The following LZTFL1 variants were observed in gnomAD, a reference collection of about 807,000 sequenced individuals.
LZTFL1 encodes the protein leucine zipper transcription factor like 1, also known as leucine zipper transcription factor-like protein 1.
LZTFL1 carries 25 observed loss-of-function variants against 45.9 expected under a neutral mutation model. The ratio of observed to expected loss-of-function variants is 0.54; its 90% confidence interval spans 0.40 to 0.76. The LOEUF (loss-of-function observed/expected upper bound fraction) is 0.76, where lower values mean the gene tolerates loss of function less well. Ranked by LOEUF, LZTFL1 falls within the 30% of genes least tolerant of loss-of-function variation. The pLI is 0.00. For missense variants in LZTFL1, 277 were observed against 331.1 expected, an observed-to-expected ratio of 0.84 and a Z score of 1.27; for synonymous variants, 93 against 117.4, an observed-to-expected ratio of 0.79 and a Z score of 1.35.
chr3:45,891,946 A>C (rs562489041), intron 2 of LZTFL1, among the ~76,000 whole-genome samples: 4 of 152,286 alleles, frequency 2.6e-5, no homozygotes, highest in African/African-American at 9.6e-5. Flanking sequence ...TTTAGGACAA[A>C]TGTGACACTG....
intron 5 of LZTFL1, 168 bp downstream of exon 5, chr3:45,832,882 G>T: frequency 1.8e-6 from 1 of 564,980 alleles, no homozygotes. Flanking sequence ...CTCTCTAGAA[G>T]GTTAAGTATG....
At chr3:45,828,685 T>C (rs904423149) in intron 7 of LZTFL1, 70 bp from the exon 8 acceptor site, 4 of 1,283,482 alleles carry the variant, frequency 3.1e-6, no homozygotes, top group African/African-American at 1.5e-5. Flanking sequence ...AGAATGGTGA[T>C]TCAACATCAT....
rs1249456518 is a variant in LZTFL1, at chr3:45,855,090, T to G, written c.-137-16A>C. 4 of 1,452,480 alleles carry G rather than the reference T, an allele frequency of 2.8e-6. No homozygotes were observed. The Admixed American group carries it at 8.0e-5, about 29-fold the overall frequency. The allele number at this position is 1,452,480 out of a possible 1,614,324, so 90.0% of individuals were successfully genotyped here. ...TCTGCCTTCCCTAGAAAATGAGAGT[T>G]CGAGTTAAAAATTATAAGTTGTATC... On this transcript the variant is annotated splice_polypyrimidine_tract_variant and intron_variant, in intron 3 of 4. Transcript: ENST00000472635.
At chr3:45,849,127 C>T (rs759536009) in intron 4 of LZTFL1, among the ~76,000 whole-genome samples, 25 of 152,148 alleles carry the variant, frequency 1.6e-4, no homozygotes, top group Admixed American at 3.9e-4. Context: ...GCAGGACAGA[C>T]GGACCCATTA....
chr3:45,884,478 G>A (rs2125730768), intron 2 of LZTFL1, among the ~76,000 whole-genome samples: 1 of 152,230 alleles, frequency 6.6e-6, no homozygotes, highest in Non-Finnish European at 1.5e-5. Flanking sequence ...GACCTGGATG[G>A]AAGAACCTAC....
At chr3:45,858,263 G>T (rs1227237411) in intron 3 of LZTFL1, among the ~76,000 whole-genome samples, 1 of 152,160 alleles carries the variant, frequency 6.6e-6, no homozygotes, top group African/African-American at 2.4e-5. Flanking sequence ...GCTTCACAAG[G>T]TTATTTTGTG....
At chr3:45,863,160 T>C (rs1701519820) in intron 2 of LZTFL1, among the ~76,000 whole-genome samples, 1 of 152,210 alleles carries the variant, frequency 6.6e-6, no homozygotes, top group South Asian at 2.1e-4. Flanking sequence ...TATTTTGACA[T>C]TGTGTAACTG....
intron 2 of LZTFL1, among the ~76,000 whole-genome samples, chr3:45,866,848 T>C (rs1321861130): frequency 2.6e-5 from 4 of 152,180 alleles, no homozygotes; most frequent in African/African-American, 7.2e-5. Flanking sequence ...ATTGTGTAGC[T>C]AAAAATAAGA....
intron 7 of LZTFL1, among the ~76,000 whole-genome samples, chr3:45,829,032 A>T (rs1290322499): frequency 6.6e-6 from 1 of 152,222 alleles, no homozygotes; most frequent in Non-Finnish European, 1.5e-5. Flanking sequence ...TTTATACCAA[A>T]AACTTAATAG....
chr3:45,861,387 T>G (rs1262172208), intron 2 of LZTFL1, among the ~76,000 whole-genome samples: 3 of 152,112 alleles, frequency 2.0e-5, no homozygotes, highest in Non-Finnish European at 4.4e-5. Flanking sequence ...TTGCTGAATG[T>G]TTGTATTTTC....
At chr3:45,904,253 T>C (rs1431958864) in intron 2 of LZTFL1, among the ~76,000 whole-genome samples, 5 of 152,262 alleles carry the variant, frequency 3.3e-5, no homozygotes, top group South Asian at 4.1e-4. Context: ...AATATGTACT[T>C]CATGTGTCAG....
chr3:45,852,145 A>G (rs548430645), intron 4 of LZTFL1, among the ~76,000 whole-genome samples: 1 of 152,312 alleles, frequency 6.6e-6, no homozygotes, highest in African/African-American at 2.4e-5. Context: ...ATCTATAAGC[A>G]AGGAAATATT....
rs537401357 is a variant in LZTFL1 at position 45,837,999 on chromosome 3, C to A, written c.56G>T (p.Arg19Leu). The A allele has an allele frequency of 6.2e-7, 1 of 1,613,340 alleles. No individual in the cohort carries two copies. Among genetic ancestry groups the A allele is most frequent in the South Asian group, 1.1e-5 (1 of 90,888 alleles). ...CAAGCCTCTCTTTGAACGAGCAAAACGCATATAATTAATAACTTCATTTTG... is the reference window on the plus strand; with the variant it reads ...CAAGCCTCTCTTTGAACGAGCAAAAAGCATATAATTAATAACTTCATTTTG... ...HHQNEVINYM[R>L]FARSKRGLRL... Residue 19 changes from arginine (R) to leucine (L), a missense_variant, in exon 2 of 10, where the codon CGT becomes CTT. Coordinates refer to ENST00000296135, the MANE Select transcript of LZTFL1 (RefSeq NM_020347.4).
At chr3:45,841,660 T>C (rs1701117896) in intron 1 of LZTFL1, 3 of 484,010 alleles carry the variant, frequency 6.2e-6, no homozygotes, top group African/African-American at 3.8e-5. Flanking sequence ...GCCGTGCACC[T>C]TAGGCCGGCA....
At chr3:45,865,587 C>T (rs1399551760) in intron 2 of LZTFL1, among the ~76,000 whole-genome samples, 1 of 152,230 alleles carries the variant, frequency 6.6e-6, no homozygotes, top group African/African-American at 2.4e-5. Flanking sequence ...GTTCACTTTT[C>T]TTACTCTATA....
intron 2 of LZTFL1, among the ~76,000 whole-genome samples, chr3:45,895,549 T>C (rs1214415107): frequency 6.6e-6 from 1 of 152,126 alleles, no homozygotes; most frequent in Non-Finnish European, 1.5e-5. Flanking sequence ...ACCCCATCTC[T>C]ACTAAAAATA....
At chr3:45,887,729 G>A (rs1446411044) in intron 2 of LZTFL1, among the ~76,000 whole-genome samples, 2 of 152,242 alleles carry the variant, frequency 1.3e-5, no homozygotes, top group Non-Finnish European at 2.9e-5. Context: ...GCCTCTTTGT[G>A]TAGGCCTCAC....
chr3:45,830,673 A>C (rs1262259483), intron 7 of LZTFL1, among the ~76,000 whole-genome samples: 1 of 152,146 alleles, frequency 6.6e-6, no homozygotes, highest in Non-Finnish European at 1.5e-5. Context: ...CATGCCAGGG[A>C]AACTGCAGGT....
chr3:45,829,162 G>A (rs1700747325), intron 7 of LZTFL1, among the ~76,000 whole-genome samples: 1 of 152,000 alleles, frequency 6.6e-6, no homozygotes, highest in South Asian at 2.1e-4. Context: ...TGTAATTTTT[G>A]CATACTTTGA....
Sources: gnomAD v4.1 joint callset for allele counts (sites outside exome capture counted in the v4.1 genomes callset) on GRCh38, gnomAD v4.1.1 for gene constraint, MANE v1.5 for transcripts, NCBI Gene and HGNC (gene_info 2026-07-23, HGNC 2026-07-21) for gene names.